DIS3L2: variants seen among roughly 807,000 people sequenced by gnomAD.
DIS3L2 encodes the protein DIS3 like 3'-5' exoribonuclease 2, also known as DIS3-like exonuclease 2.
DIS3L2 carries 34 observed loss-of-function variants against 97.5 expected under a neutral mutation model. The observed-to-expected ratio is 0.35, with a 90% CI of 0.27 to 0.46. The LOEUF (loss-of-function observed/expected upper bound fraction) is 0.46. DIS3L2 is among the 20% of genes least tolerant of loss of function. The pLI is 1.00. For synonymous variants in DIS3L2, 435 were observed against 445.2 expected (o/e 0.98, Z 0.29); for missense variants, 1,038 against 1,146.0 (o/e 0.91, Z 1.36).
At chr2:232,315,062 A>G (rs1249582077) in intron 14 of DIS3L2, among the ~76,000 whole-genome samples, 1 of 152,154 alleles carries the variant, frequency 6.6e-6, no homozygotes, top group African/African-American at 2.4e-5. Context: ...AGCAGATAGT[A>G]CTGCCAGGCG....
At position 232,195,175 on chromosome 2, in the gene DIS3L2, T is replaced by G. The variant is rs985378200; in HGVS notation, c.1125-15151T>G. ...CATTCATACTTTCTTCTGTTAAAAA[T>G]TACAAAGTCATACTCAATTTAATAA... On this transcript the variant is annotated intron_variant, in intron 9 of 20. Transcript: ENST00000325385. Among the ~76,000 whole-genome samples, 14 of 152,252 alleles carry G rather than the reference T, an allele frequency of 9.2e-5. No homozygotes were observed. The South Asian group carries it at 1.7e-3, about 18-fold the overall frequency.
chr2:232,111,585 G>A (rs1697536001), intron 6 of DIS3L2, among the ~76,000 whole-genome samples: 1 of 152,164 alleles, frequency 6.6e-6, no homozygotes, highest in Non-Finnish European at 1.5e-5. Flanking sequence ...GTAGCCACCA[G>A]CCACATGTGA....
At chr2:232,255,879 G>A (rs1451444026) in intron 12 of DIS3L2, among the ~76,000 whole-genome samples, 1 of 152,136 alleles carries the variant, frequency 6.6e-6, no homozygotes, top group Non-Finnish European at 1.5e-5. Context: ...TGCTACATCT[G>A]CATCCAGTCT....
chr2:232,255,096 C>A (rs1693523473), intron 12 of DIS3L2, among the ~76,000 whole-genome samples: 2 of 152,164 alleles, frequency 1.3e-5, no homozygotes, highest in African/African-American at 4.8e-5. Flanking sequence ...AAGACACTGG[C>A]AAGGAAAGCT....
At chr2:232,220,123 AT>A (rs1426757271) in intron 10 of DIS3L2, among the ~76,000 whole-genome samples, 1 of 105,794 alleles carries the variant, frequency 9.5e-6, no homozygotes, top group African/African-American at 3.0e-5. Context: ...AAATAAATAA[AT>A]AAATAAATAA....
At position 232,030,091 on chromosome 2, in the gene DIS3L2, T is replaced by C; in HGVS notation, c.366+11T>C. Reference sequence around the variant, plus strand: ...GAGGAGCATTGGAAGGTGAGTTAAGTTTTCCCTTTCTAATTACAGATTTCT... The same window carrying C: ...GAGGAGCATTGGAAGGTGAGTTAAGCTTTCCCTTTCTAATTACAGATTTCT... On this transcript the variant is annotated intron_variant, in intron 5 of 20. Transcript: ENST00000325385. 1.9e-6 allele frequency: 3 copies of C among 1,607,582 alleles called. No individual in the cohort carries two copies. The highest frequency in any genetic ancestry group is 2.5e-6 in the Non-Finnish European group (3 of 1,176,514).
At chr2:232,252,961 C>T (rs1295847165) in intron 12 of DIS3L2, among the ~76,000 whole-genome samples, 1 of 152,138 alleles carries the variant, frequency 6.6e-6, no homozygotes, top group Non-Finnish European at 1.5e-5. Flanking sequence ...AAACAGACAC[C>T]AGAGAGTGAG....
At chr2:232,129,384 A>T (rs1698158293) in intron 6 of DIS3L2, among the ~76,000 whole-genome samples, 1 of 152,226 alleles carries the variant, frequency 6.6e-6, no homozygotes, top group Non-Finnish European at 1.5e-5. Flanking sequence ...CTCTACAATT[A>T]TAAAAAATGT....
chr2:232,343,262 A>AG (rs1305956304), intron 13 of DIS3L2: 1 of 1,181,956 alleles, frequency 8.5e-7, no homozygotes, highest in Non-Finnish European at 1.2e-6. Context: ...CAGGCTGAGT[A>AG]GGCTCACCTT....
intron 10 of DIS3L2, among the ~76,000 whole-genome samples, chr2:232,211,829 A>G (rs16828671): frequency 0.026 from 3,964 of 152,290 alleles, 162 homozygotes; most frequent in African/African-American, 0.09. Flanking sequence ...ACTATGGGCA[A>G]GATTGCTCAA....
At chr2:232,038,891 G>C (rs1202788706) in intron 5 of DIS3L2, among the ~76,000 whole-genome samples, 1 of 152,138 alleles carries the variant, frequency 6.6e-6, no homozygotes, top group Admixed American at 6.5e-5. Context: ...TCTCCCTAGA[G>C]GCCTAATTTT....
chr2:232,248,497 G>GA (rs984021833), intron 11 of DIS3L2, among the ~76,000 whole-genome samples: 16 of 151,660 alleles, frequency 1.1e-4, no homozygotes, highest in Admixed American at 7.2e-4. Flanking sequence ...GGAATAGTAG[G>GA]AAAAAAAACA....
intron 10 of DIS3L2, among the ~76,000 whole-genome samples, chr2:232,224,848 A>G (rs1031982999): frequency 3.9e-5 from 6 of 151,940 alleles, no homozygotes; most frequent in African/African-American, 7.3e-5. Flanking sequence ...TAAAAAAAAA[A>G]AAAAAAGAAA....
intron 6 of DIS3L2, among the ~76,000 whole-genome samples, chr2:232,116,883 A>G (rs1697733924): frequency 6.6e-6 from 1 of 152,250 alleles, no homozygotes; most frequent in Non-Finnish European, 1.5e-5. Context: ...AAAACATTAA[A>G]GAATGAATAT....
At position 232,334,420 on chromosome 2, in the gene DIS3L2, A is replaced by G. The variant is rs769764733; in HGVS notation, c.2210A>G (p.Asp737Gly). The change falls in exon 18 of 21, where the codon GAC becomes GGC. Residue 737 changes from aspartate (D) to glycine (G), a missense_variant. Asp to Gly is a moderately conservative substitution (Grantham distance 94). Transcript: ENST00000325385. Reference sequence around the variant, plus strand: ...CCCGATACCCTGCAGAAACAGGCGGACCACTGTAACGACCGCCGCATGGCG... The same window carrying G: ...CCCGATACCCTGCAGAAACAGGCGGGCCACTGTAACGACCGCCGCATGGCG... ...MAPDTLQKQADHCNDRRMASK... is the reference protein window; with the variant it reads ...MAPDTLQKQAGHCNDRRMASK... The G allele has an allele frequency of 3.0e-5, 49 of 1,613,630 alleles. No individual in the cohort carries two copies. Among genetic ancestry groups the G allele is most frequent in the Non-Finnish European group, 4.1e-5 (48 of 1,179,990 alleles).
chr2:232,334,086 A>G, intron 17 of DIS3L2, 99 bp downstream of exon 17: 1 of 1,493,112 alleles, frequency 6.7e-7, no homozygotes, highest in Non-Finnish European at 8.9e-7. Flanking sequence ...CTGCCGTGAC[A>G]GCGGAGGTCC....
At position 232,204,569 on chromosome 2, in the gene DIS3L2, G is replaced by A. The variant is rs576724149; in HGVS notation, c.1125-5757G>A. 2.0e-5 allele frequency among the ~76,000 whole-genome samples: 3 copies of A among 152,108 alleles called. No individual in the cohort carries two copies. The South Asian group carries it at 6.2e-4, about 32-fold the overall frequency. ...GTCTCATTCTTTCCCTCCCCCACCTGGCACTGTATTTTCTGCGGGTCAGGG... is the reference window on the plus strand; with the variant it reads ...GTCTCATTCTTTCCCTCCCCCACCTAGCACTGTATTTTCTGCGGGTCAGGG... On this transcript the variant is annotated intron_variant, in intron 9 of 20. Transcript: ENST00000325385.
At chr2:232,000,670 C>CTT (rs1693865824) in intron 1 of DIS3L2, among the ~76,000 whole-genome samples, 1 of 29,650 alleles carries the variant, frequency 3.4e-5, no homozygotes, top group Non-Finnish European at 6.0e-5. Flanking sequence ...TTCTCTTTCT[C>CTT]TCTTTCTCTC....
At chr2:232,296,484 T>G (rs564408932) in intron 13 of DIS3L2, among the ~76,000 whole-genome samples, 184 of 152,264 alleles carry the variant, frequency 1.2e-3, no homozygotes, top group African/African-American at 4.4e-3. Flanking sequence ...CACCTTGAAT[T>G]TTAGTAATCC....
Sources: gnomAD v4.1 joint callset for allele counts (sites outside exome capture counted in the v4.1 genomes callset) on GRCh38, gnomAD v4.1.1 for gene constraint, MANE v1.5 for transcripts, NCBI Gene and HGNC (gene_info 2026-07-23, HGNC 2026-07-21) for gene names.